The following TENM2 variants were observed in gnomAD, a reference collection of about 807,000 sequenced individuals.
TENM2 encodes teneurin transmembrane protein 2.
A neutral mutation model predicts 245.2 loss-of-function variants in TENM2; 52 were observed. That is an observed-to-expected ratio of 0.21 (90% CI 0.17 to 0.27). The LOEUF (loss-of-function observed/expected upper bound fraction) is 0.27, where lower values mean the gene tolerates loss of function less well. TENM2 is among the 10% of genes least tolerant of loss of function. The pLI, the probability that TENM2 is intolerant of heterozygous loss-of-function variation, is 1.00. For synonymous variants in TENM2, 1,363 were observed against 1,438.9 expected, an observed-to-expected ratio of 0.95 and a Z score of 1.19; for missense variants, 3,046 against 3,666.8, an observed-to-expected ratio of 0.83 and a Z score of 4.37.
intron 3 of TENM2, chr5:167,937,863 G>C (rs1242630434): frequency 6.6e-6 from 1 of 152,136 alleles, no homozygotes; most frequent in Non-Finnish European, 1.5e-5. Flanking sequence ...AGGAGGTGAC[G>C]TATCTTCCTA....
intron 5 of TENM2, among the ~76,000 whole-genome samples, chr5:168,036,124 G>A (rs1029588456): frequency 6.6e-6 from 1 of 152,148 alleles, no homozygotes; most frequent in African/African-American, 2.4e-5. Context: ...CCTGGCTTGG[G>A]GATTTCCATG....
At chr5:167,518,462 A>T (rs755574) in intron 2 of TENM2, among the ~76,000 whole-genome samples, 9,932 of 152,214 alleles carry the variant, frequency 0.065, 840 homozygotes, top group Admixed American at 0.21. Context: ...ATCATATATA[A>T]TTGTCATTTT....
chr5:168,235,518 A>G (rs1189460585), intron 25 of TENM2, among the ~76,000 whole-genome samples: 3 of 151,998 alleles, frequency 2.0e-5, no homozygotes, highest in Non-Finnish European at 2.9e-5. Context: ...TGTACAAACA[A>G]TATATAGAAA....
At chr5:168,178,893 G>C (rs1000618593) in intron 13 of TENM2, among the ~76,000 whole-genome samples, 2 of 152,110 alleles carry the variant, frequency 1.3e-5, no homozygotes, top group Non-Finnish European at 2.9e-5. Flanking sequence ...AAGAGGCTTC[G>C]GGAGGCCGAG....
intron 2 of TENM2, among the ~76,000 whole-genome samples, chr5:167,505,164 T>A (rs1301842730): frequency 6.6e-6 from 1 of 152,176 alleles, no homozygotes; most frequent in Non-Finnish European, 1.5e-5. Context: ...TGCTATCATT[T>A]TCTTAGTAAT....
chr5:167,024,227 C>A, the TENM2 span, among the ~76,000 whole-genome samples: 1 of 152,138 alleles, frequency 6.6e-6, no homozygotes, highest in Admixed American at 6.5e-5. Flanking sequence ...TAAAACTATG[C>A]AAACATCTCA....
chr5:167,877,489 A>G (rs150105581), intron 3 of TENM2, among the ~76,000 whole-genome samples: 1 of 152,328 alleles, frequency 6.6e-6, no homozygotes, highest in Middle Eastern at 3.4e-3. Flanking sequence ...CTTTATTAGA[A>G]CTCATCAGAG....
the TENM2 span, among the ~76,000 whole-genome samples, chr5:167,061,548 C>A: frequency 5.5e-4 from 84 of 152,192 alleles, no homozygotes; most frequent in Non-Finnish European, 1.9e-4. Flanking sequence ...GGGTTTGGGA[C>A]ACTCAGGGAA....
chr5:167,129,142 T>C, the TENM2 span, among the ~76,000 whole-genome samples: 2 of 152,148 alleles, frequency 1.3e-5, no homozygotes, highest in African/African-American at 2.4e-5. Context: ...GCTGTACTTA[T>C]GTCAGAATTG....
intron 2 of TENM2, among the ~76,000 whole-genome samples, chr5:167,485,079 C>A (rs566136809): frequency 6.6e-6 from 1 of 152,054 alleles, no homozygotes. Context: ...AAATATCTCC[C>A]GAGGGTTGAG....
chr5:167,453,196 A>G (rs1046632245), intron 2 of TENM2, among the ~76,000 whole-genome samples: 3 of 151,808 alleles, frequency 2.0e-5, no homozygotes, highest in African/African-American at 7.3e-5. Context: ...TGAGTAAAAT[A>G]GAAAATAGGA....
intron 1 of TENM2, 43 bp downstream of exon 3, chr5:167,285,106 C>G: frequency 2.1e-6 from 3 of 1,448,712 alleles, no homozygotes; most frequent in Non-Finnish European, 2.8e-6. Context: ...AACTGTCTAA[C>G]TTACTTGATT....
chr5:167,603,449 G>A (rs1422357775), intron 2 of TENM2, among the ~76,000 whole-genome samples: 1 of 152,148 alleles, frequency 6.6e-6, no homozygotes, highest in Non-Finnish European at 1.5e-5. Flanking sequence ...TCGAAAGGCC[G>A]AGGTGGGTGC....
At chr5:167,709,896 C>T (rs186592653) in intron 2 of TENM2, among the ~76,000 whole-genome samples, 2 of 152,218 alleles carry the variant, frequency 1.3e-5, no homozygotes, top group Admixed American at 6.5e-5. Flanking sequence ...TTTGGTTTAA[C>T]TTGATCAACC....
chr5:167,862,268 T>TGTGTGTGTGC (rs1771890884), intron 2 of TENM2, among the ~76,000 whole-genome samples: 2 of 150,722 alleles, frequency 1.3e-5, no homozygotes, highest in African/African-American at 5.0e-5. Context: ...TGTGTGTGTG[T>TGTGTGTGTGC]GCATATGTAC....
chr5:167,198,587 A>C, the TENM2 span, among the ~76,000 whole-genome samples: 1 of 152,216 alleles, frequency 6.6e-6, no homozygotes, highest in East Asian at 1.9e-4. Flanking sequence ...TTCTTGTTAA[A>C]GTTTGGTGAA....
intron 7 of TENM2, among the ~76,000 whole-genome samples, chr5:168,084,107 A>G (rs979673014): frequency 2.0e-5 from 3 of 152,188 alleles, no homozygotes; most frequent in African/African-American, 7.2e-5. Flanking sequence ...TTCATTCTTT[A>G]TGACTGCATA....
chr5:167,929,085 GAAAGAAAGAAAGA>G (rs1778044536), intron 3 of TENM2, among the ~76,000 whole-genome samples: 3 of 77,112 alleles, frequency 3.9e-5, no homozygotes. Flanking sequence ...AAGAAAGAAA[GAAAGAAAGAAAGA>G]AAGAAAGAAA....
chr5:167,861,840 C>T (rs1051703293), intron 2 of TENM2, among the ~76,000 whole-genome samples: 6 of 152,196 alleles, frequency 3.9e-5, no homozygotes, highest in Admixed American at 3.9e-4. Flanking sequence ...CTGCCTTCTC[C>T]AAGTATTTGA....
Sources: allele counts gnomAD v4.1 joint callset (sites outside exome capture counted in the v4.1 genomes callset), GRCh38; gene constraint gnomAD v4.1.1; transcripts MANE v1.5; gene names NCBI Gene and HGNC (gene_info 2026-07-23, HGNC 2026-07-21).